The following SLC28A1 variants were observed in gnomAD, a reference collection of about 807,000 sequenced individuals.
SLC28A1 encodes the protein solute carrier family 28 member 1, also known as sodium/nucleoside cotransporter 1.
In SLC28A1, 64 loss-of-function variants were observed where a neutral mutation model predicts 74.8. That is an observed-to-expected ratio of 0.86 (90% CI 0.70 to 1.05). The LOEUF is 1.05. Ranked by LOEUF, SLC28A1 falls within the 50% of genes least tolerant of loss-of-function variation. SLC28A1 has a pLI of 0.00. For missense variants in SLC28A1, 828 were observed against 822.8 expected (o/e 1.01, Z -0.08); for synonymous variants, 359 against 335.0 (o/e 1.07, Z -0.78).
chr15:84,917,370 T>C (rs903088763), intron 9 of SLC28A1, among the ~76,000 whole-genome samples: 5 of 152,236 alleles, frequency 3.3e-5, no homozygotes, highest in Admixed American at 1.3e-4. Flanking sequence ...AGGCACCTGC[T>C]GTTGCTGGCC....
At chr15:84,940,815 G>C (rs983119232) in intron 15 of SLC28A1, 19 of 199,644 alleles carry the variant, frequency 9.5e-5, no homozygotes, top group Non-Finnish European at 2.0e-4. Context: ...GTGATGCTTG[G>C]AATAGAACAA....
At chr15:84,938,191 A>T (rs1375703940) in intron 15 of SLC28A1, among the ~76,000 whole-genome samples, 8 of 105,126 alleles carry the variant, frequency 7.6e-5, no homozygotes, top group African/African-American at 2.5e-4. Context: ...CAAGAGTGAA[A>T]CTCCATCTCA....
Position 84,945,605 on chromosome 15 carries a change from A to C in SLC28A1, c.*405A>C, listed in dbSNP as rs1267222375. 3 of 295,252 alleles carry C rather than the reference A, an allele frequency of 1.0e-5. No homozygotes were observed. The highest frequency in any genetic ancestry group is 2.0e-5 in the Non-Finnish European group (3 of 151,186). The allele number at this position is 295,252 out of a possible 1,614,324, so 18.3% of individuals were successfully genotyped here. On this transcript the variant is annotated 3_prime_UTR_variant, in exon 19 of 19. Coordinates refer to ENST00000394573, the MANE Select transcript of SLC28A1 (RefSeq NM_004213.5). ...CCCTCCCCACTTCCTAGGCACTAGGATCTCTCTGTGGCTTCCCCTGCTGGG... is the reference window on the plus strand; with the variant it reads ...CCCTCCCCACTTCCTAGGCACTAGGCTCTCTCTGTGGCTTCCCCTGCTGGG...
the SLC28A1 span, among the ~76,000 whole-genome samples, chr15:84,955,969 A>G: frequency 6.6e-6 from 1 of 152,088 alleles, no homozygotes; most frequent in African/African-American, 2.4e-5. Flanking sequence ...TTTCCCTTCC[A>G]TTCAAATCAA....
the SLC28A1 span, among the ~76,000 whole-genome samples, chr15:84,970,850 CA>C: frequency 1.3e-5 from 2 of 151,670 alleles, no homozygotes; most frequent in East Asian, 1.9e-4. Flanking sequence ...AAAACAAAAA[CA>C]AAAAACAAAA....
At chr15:84,888,955 G>A (rs1567112284) in intron 4 of SLC28A1, 95 bp downstream of exon 4, 1 of 864,246 alleles carries the variant, frequency 1.2e-6, no homozygotes, top group South Asian at 1.4e-5. Context: ...GGGAGTTGGG[G>A]GGACGTGAAC....
chr15:84,973,447 T>C, the SLC28A1 span, among the ~76,000 whole-genome samples: 11 of 152,282 alleles, frequency 7.2e-5, no homozygotes, highest in Admixed American at 5.9e-4. Flanking sequence ...CATGTGTCCA[T>C]CTCCAAGCCA....
intron 6 of SLC28A1, among the ~76,000 whole-genome samples, chr15:84,900,658 G>T (rs1018328095): frequency 1.2e-4 from 19 of 152,060 alleles, no homozygotes; most frequent in African/African-American, 4.3e-4. Context: ...AAATAAATTA[G>T]CCAGGTATGG....
chr15:84,935,433 TG>T lies in SLC28A1; in HGVS notation c.1498del (p.Ala500ProfsTer55). 1.2e-6 allele frequency: 2 copies of T among 1,614,242 alleles called. No homozygotes were observed. The highest frequency in any genetic ancestry group is 1.7e-6 in the Non-Finnish European group (2 of 1,180,038). ...LGIKLFLNEF[V>X]AYQDLSKYKQ... ...ATCAAGCTGTTTCTGAACGAGTTTG[TG>T]GCCTATCAAGACCTCTCCAAGTACA... is the stretch of plus-strand genomic sequence containing the variant. On this transcript the variant is annotated frameshift_variant, in exon 15 of 19. Transcript: ENST00000394573. LOFTEE classifies it high-confidence loss of function.
At chr15:84,943,560 A>T (rs1972961761) in intron 16 of SLC28A1, 34 bp downstream of exon 16, 1 of 1,523,490 alleles carries the variant, frequency 6.6e-7, no homozygotes, top group Non-Finnish European at 9.1e-7. Context: ...AGTGTCTAGG[A>T]GAGTCTGGGA....
Position 84,902,997 on chromosome 15 carries a change from T to C in SLC28A1, c.462-1100T>C, listed in dbSNP as rs143206832. ...CACCCACCTTGGCCTCCTAAAGTACTGGGATTACAGGCATGAGCCACTGCG... is the reference window on the plus strand; with the variant it reads ...CACCCACCTTGGCCTCCTAAAGTACCGGGATTACAGGCATGAGCCACTGCG... On this transcript the variant is annotated intron_variant, in intron 6 of 18. Coordinates refer to ENST00000394573, the MANE Select transcript of SLC28A1 (RefSeq NM_004213.5). 6.9e-3 allele frequency among the ~76,000 whole-genome samples: 1,046 copies of C among 152,310 alleles called. 12 individuals carry two copies. The highest frequency in any genetic ancestry group is 0.024 in the African/African-American group (990 of 41,566).
the SLC28A1 span, among the ~76,000 whole-genome samples, chr15:84,963,560 A>G: frequency 3.3e-5 from 5 of 152,154 alleles, 1 homozygote; most frequent in Non-Finnish European, 7.4e-5. Flanking sequence ...ACAACACAGT[A>G]TGGGACAGGG....
the SLC28A1 span, among the ~76,000 whole-genome samples, chr15:84,967,686 C>T: frequency 6.6e-6 from 1 of 152,112 alleles, no homozygotes; most frequent in African/African-American, 2.4e-5. Context: ...GCTACAGGGA[C>T]CTCTCTGGGG....
intron 16 of SLC28A1, 111 bp from the exon 17 acceptor site, chr15:84,944,455 C>A: frequency 1.3e-6 from 1 of 757,894 alleles, no homozygotes; most frequent in Non-Finnish European, 2.4e-6. Flanking sequence ...GTCCCTCTGG[C>A]CATCTATTAA....
chr15:84,928,273 T>G (rs1196470517), intron 12 of SLC28A1, among the ~76,000 whole-genome samples: 4 of 152,036 alleles, frequency 2.6e-5, no homozygotes, highest in African/African-American at 9.7e-5. Context: ...ACTACAACTA[T>G]AGCTGGCCCA....
the SLC28A1 span, chr15:84,961,691 G>A: frequency 2.8e-5 from 9 of 326,272 alleles, no homozygotes; most frequent in Middle Eastern, 1.3e-3. Flanking sequence ...AGACTGTTAC[G>A]GCAGCATCAT....
At chr15:84,905,393 T>G in intron 7 of SLC28A1, 146 bp from the exon 8 acceptor site, 1 of 674,516 alleles carries the variant, frequency 1.5e-6, no homozygotes. Flanking sequence ...CCAGGGAGGG[T>G]GTGACCACTG....
intron 12 of SLC28A1, among the ~76,000 whole-genome samples, chr15:84,932,129 C>T (rs1328402362): frequency 6.6e-6 from 1 of 152,228 alleles, no homozygotes; most frequent in Non-Finnish European, 1.5e-5. Context: ...TGTTTCCCCA[C>T]TGCCCCTAGT....
chr15:84,952,236 A>C, the SLC28A1 span, among the ~76,000 whole-genome samples: 1 of 152,190 alleles, frequency 6.6e-6, no homozygotes, highest in African/African-American at 2.4e-5. Flanking sequence ...ATGATCCCAC[A>C]AGGACTGCTT....
Sources: gnomAD v4.1 joint callset for allele counts (sites outside exome capture counted in the v4.1 genomes callset) on GRCh38, gnomAD v4.1.1 for gene constraint, MANE v1.5 for transcripts, NCBI Gene and HGNC (gene_info 2026-07-23, HGNC 2026-07-21) for gene names.